The following PLAC1 variants were observed in gnomAD, a reference collection of about 807,000 sequenced individuals.
PLAC1 encodes placenta-specific protein 1.
For synonymous variants in PLAC1, 68 were observed against 62.1 expected (o/e 1.09, Z -0.44); for missense variants, 136 against 163.2 (o/e 0.83, Z 0.91).
intron 2 of PLAC1, among the ~76,000 whole-genome samples, chrX:134,600,155 A>G (rs1050789036): frequency 2.7e-5 from 3 of 110,252 alleles, no homozygotes; most frequent in Non-Finnish European, 5.7e-5. Flanking sequence ...CCTCCTGAGT[A>G]GCTCGGACTA....
chrX:134,659,182 A>G (rs2078406334), upstream of PLAC1, among the ~76,000 whole-genome samples: 1 of 110,609 alleles, frequency 9.0e-6, no homozygotes, highest in African/African-American at 3.3e-5. Context: ...AAACCTGCAC[A>G]TCCTGCACAT....
intron 1 of PLAC1, among the ~76,000 whole-genome samples, chrX:134,614,253 A>G (rs969652378): frequency 1.8e-4 from 20 of 111,612 alleles, no homozygotes; most frequent in Admixed American, 3.8e-4. Flanking sequence ...TTTATTGCAT[A>G]TATATTTGAG....
chrX:134,743,348 C>A (rs1383831148), intron 1 of PLAC1, among the ~76,000 whole-genome samples: 1 of 111,662 alleles, frequency 9.0e-6, no homozygotes, highest in Non-Finnish European at 1.9e-5. Flanking sequence ...GAACATGAGA[C>A]AATAGTTCAT....
intron 2 of PLAC1, among the ~76,000 whole-genome samples, chrX:134,679,220 G>T (rs2078485372): frequency 8.9e-6 from 1 of 111,818 alleles, no homozygotes; most frequent in South Asian, 3.8e-4. Context: ...AGGCAAGAAT[G>T]AGTTGGAGAA....
chrX:134,653,260 C>A (rs1355334532), intron 1 of PLAC1, among the ~76,000 whole-genome samples: 1 of 112,209 alleles, frequency 8.9e-6, no homozygotes, highest in Non-Finnish European at 1.9e-5. Flanking sequence ...CCTGGGTCTT[C>A]TTGACACCCT....
intron 2 of PLAC1, among the ~76,000 whole-genome samples, chrX:134,588,315 T>TTTAC: frequency 9.5e-6 from 1 of 105,136 alleles, no homozygotes; most frequent in African/African-American, 3.4e-5. Context: ...TATTTATTTA[T>TTTAC]TTATTTATTT....
chrX:134,672,220 A>G (rs1602896306), intron 2 of PLAC1, among the ~76,000 whole-genome samples: 1 of 112,016 alleles, frequency 8.9e-6, no homozygotes, highest in East Asian at 2.8e-4. Context: ...AAGTATAGCT[A>G]TTTGGTGTGG....
chrX:134,630,749 C>T (rs1031544972), intron 1 of PLAC1, among the ~76,000 whole-genome samples: 2 of 112,095 alleles, frequency 1.8e-5, no homozygotes, highest in African/African-American at 3.2e-5. Context: ...TACTCAATTT[C>T]TCTTAGTCTT....
intron 2 of PLAC1, among the ~76,000 whole-genome samples, chrX:134,704,371 T>C (rs1452418028): frequency 9.4e-6 from 1 of 105,896 alleles, no homozygotes; most frequent in African/African-American, 3.4e-5. Flanking sequence ...TGCATGCCTG[T>C]AATCCCAGCT....
At chrX:134,665,873 T>C (rs1269436203) in intron 2 of PLAC1, among the ~76,000 whole-genome samples, 2 of 110,526 alleles carry the variant, frequency 1.8e-5, no homozygotes, top group East Asian at 5.7e-4. Context: ...TTCTGGGTGG[T>C]GGAAATGGGC....
chrX:134,685,810 C>T (rs1373201632), intron 2 of PLAC1, among the ~76,000 whole-genome samples: 1 of 111,247 alleles, frequency 9.0e-6, no homozygotes, highest in Admixed American at 9.6e-5. Context: ...TCTAAGGAGT[C>T]ATTTTGAGAC....
At chrX:134,757,460 T>C (rs2078759881) in intron 1 of PLAC1, among the ~76,000 whole-genome samples, 1 of 112,488 alleles carries the variant, frequency 8.9e-6, no homozygotes, top group South Asian at 3.7e-4. Flanking sequence ...AAATGAATAT[T>C]TCATGAAAGA....
At chrX:134,667,925 CAA>C (rs752192722) in intron 2 of PLAC1, among the ~76,000 whole-genome samples, 11 of 87,261 alleles carry the variant, frequency 1.3e-4, no homozygotes, top group Admixed American at 1.3e-4. Context: ...GACCTTGTCT[CAA>C]AAAAAAAAAA....
intron 1 of PLAC1, among the ~76,000 whole-genome samples, chrX:134,611,586 T>C (rs954520512): frequency 5.5e-5 from 6 of 108,406 alleles, no homozygotes; most frequent in Admixed American, 2.0e-4. Context: ...TATGTATATA[T>C]ATATGCATAT....
chrX:134,641,208 A>T (rs1017141107), intron 1 of PLAC1, among the ~76,000 whole-genome samples: 13 of 111,346 alleles, frequency 1.2e-4, no homozygotes, highest in Non-Finnish European at 2.3e-4. Flanking sequence ...AGCTATGATC[A>T]CACCACTGTA....
At chrX:134,657,140 C>T (rs1356849711) in intron 1 of PLAC1, among the ~76,000 whole-genome samples, 2 of 112,071 alleles carry the variant, frequency 1.8e-5, no homozygotes, top group Non-Finnish European at 3.8e-5. Flanking sequence ...CCAAGGGTTG[C>T]GACCATCATC....
At chrX:134,671,978 T>A (rs765924246) in intron 2 of PLAC1, among the ~76,000 whole-genome samples, 1 of 111,630 alleles carries the variant, frequency 9.0e-6, no homozygotes, top group African/African-American at 3.3e-5. Flanking sequence ...GTTCTGTTCC[T>A]TTATTATCTA....
chrX:134,763,858 AAG>A (rs1436706058), intron 1 of PLAC1, among the ~76,000 whole-genome samples: 5 of 89,613 alleles, frequency 5.6e-5, no homozygotes, highest in African/African-American at 1.6e-4. Context: ...GAAAGAAAGA[AAG>A]AGAAAAGAAA....
chrX:134,656,847 G>A (rs976180647), intron 1 of PLAC1, among the ~76,000 whole-genome samples: 8 of 111,829 alleles, frequency 7.2e-5, no homozygotes, highest in African/African-American at 2.6e-4. Flanking sequence ...TCAGCTTCCC[G>A]AAGTGTTGGG....
Sources: gnomAD v4.1 joint callset for allele counts (sites outside exome capture counted in the v4.1 genomes callset) on GRCh38, gnomAD v4.1.1 for gene constraint, MANE v1.5 for transcripts, NCBI Gene and HGNC (gene_info 2026-07-23, HGNC 2026-07-21) for gene names.